TEX10: variants seen among roughly 807,000 people sequenced by gnomAD.
TEX10 encodes the protein testis expressed 10, also known as testis-expressed protein 10.
In TEX10, 24 loss-of-function variants were observed where a neutral mutation model predicts 104.4. The observed-to-expected ratio is 0.23, with a 90% CI of 0.17 to 0.32. The LOEUF is 0.32. TEX10 is among the 10% of genes least tolerant of loss of function. The pLI is 1.00. For missense variants in TEX10, 921 were observed against 1,083.9 expected (o/e 0.85, Z 2.11); for synonymous variants, 396 against 393.4 (o/e 1.01, Z -0.08).
At chr9:100,317,167 C>G (rs1834442596) in intron 11 of TEX10, among the ~76,000 whole-genome samples, 1 of 151,858 alleles carries the variant, frequency 6.6e-6, no homozygotes, top group African/African-American at 2.4e-5. Context: ...GGAACCAAAA[C>G]AAGAGCCTGA....
At position 100,329,177 on chromosome 9, in the gene TEX10, T is replaced by G. The variant is rs750494084; in HGVS notation, c.1588A>C (p.Ile530Leu). ...GATCTCAGTTCTTCTGTCTGATAGA[T>G]TTTACTGAAAAACTTCAATAACAAA... Reference protein sequence around the residue: ...RTLLLKFFSKIYQTEELRSCR... With the variant: ...RTLLLKFFSKLYQTEELRSCR... The change falls in exon 7 of 15, where the codon ATC (isoleucine) becomes CTC (leucine). Residue 530 changes from isoleucine to leucine, a missense_variant. Ile to Leu is a conservative substitution (Grantham distance 5, BLOSUM62 2). This residue lies in a region of TEX10 where 753 missense variants were observed against 868.4 expected (regional missense o/e 0.87). Coordinates refer to ENST00000374902, the MANE Select transcript of TEX10 (RefSeq NM_017746.4). 1 of 1,611,450 alleles carries G rather than the reference T, an allele frequency of 6.2e-7. No individual in the cohort carries two copies. Among genetic ancestry groups the G allele is most frequent in the South Asian group, 1.1e-5 (1 of 90,232 alleles).
At chr9:100,352,044 T>C (rs2118951757) in intron 1 of TEX10, among the ~76,000 whole-genome samples, 1 of 152,272 alleles carries the variant, frequency 6.6e-6, no homozygotes, top group African/African-American at 2.4e-5. Context: ...AAAAGGCAGA[T>C]CCTAGCGTTT....
chr9:100,319,572 A>C (rs530585584), intron 11 of TEX10, among the ~76,000 whole-genome samples: 1 of 152,284 alleles, frequency 6.6e-6, no homozygotes, highest in South Asian at 2.1e-4. Flanking sequence ...TGGGAGGCTG[A>C]GGCTGGTGGA....
intron 8 of TEX10, among the ~76,000 whole-genome samples, chr9:100,326,853 T>A (rs1834717917): frequency 6.6e-6 from 1 of 152,178 alleles, no homozygotes; most frequent in Non-Finnish European, 1.5e-5. Flanking sequence ...TGTGTGTATA[T>A]ATATATACCT....
At chr9:100,325,887 GA>G (rs369380328) in intron 9 of TEX10, among the ~76,000 whole-genome samples, 2 of 150,646 alleles carry the variant, frequency 1.3e-5, no homozygotes, top group South Asian at 2.1e-4. Context: ...ATACCACCAG[GA>G]AAAAAAAAGT....
chr9:100,327,825 A>G lies in TEX10; in HGVS notation c.1763T>C (p.Leu588Ser). The change falls in exon 8 of 15, where the codon TTA (leucine) becomes TCA (serine). Residue 588 changes from leucine to serine, a missense_variant. Leu to Ser is a moderately radical substitution (Grantham distance 145). Coordinates refer to ENST00000374902, the MANE Select transcript of TEX10 (RefSeq NM_017746.4). ...HTAAARANKE[L>S]LKSLQATALR... ...GGCAGTAGCTTGTAAACTTTTTAGT[A>G]ATTCTTTATTTGCTCGTGCTGCAGC... is the stretch of plus-strand genomic sequence containing the variant. The G allele has an allele frequency of 6.3e-7, 1 of 1,596,306 alleles. No individual in the cohort carries two copies. Among genetic ancestry groups the G allele is most frequent in the South Asian group, 1.1e-5 (1 of 87,974 alleles).
chr9:100,323,347 G>C (rs536861525), intron 9 of TEX10, among the ~76,000 whole-genome samples: 80 of 152,264 alleles, frequency 5.3e-4, no homozygotes, highest in African/African-American at 1.8e-3. Context: ...GTTCCTGGCA[G>C]ACCAGGTCAT....
rs182227056 is a variant in TEX10 at position 100,331,021 on chromosome 9, C to T, written c.1251-852G>A. 1.3e-4 allele frequency among the ~76,000 whole-genome samples: 20 copies of T among 151,896 alleles called. No individual in the cohort carries two copies. In the South Asian group the frequency reaches 2.3e-3, roughly 17 times the overall value. On this transcript the variant is annotated intron_variant, in intron 5 of 14. Coordinates refer to ENST00000374902, the MANE Select transcript of TEX10 (RefSeq NM_017746.4). ...CCGTAATCCCAGCACTTTGAGAAGC[C>T]GAGGCAGGTGGATCACCTGAGGTCA...
chr9:100,321,631 G>A, intron 10 of TEX10, 52 bp downstream of exon 10: 2 of 1,394,652 alleles, frequency 1.4e-6, no homozygotes, highest in Non-Finnish European at 2.0e-6. Flanking sequence ...AAGGAGAATT[G>A]TGATTCATAT....
At chr9:100,334,271 A>AT (rs1564214590) in intron 5 of TEX10, among the ~76,000 whole-genome samples, 6 of 152,124 alleles carry the variant, frequency 3.9e-5, no homozygotes. Context: ...GAAAAAAAAA[A>AT]CACAGATAAC....
intron 11 of TEX10, among the ~76,000 whole-genome samples, chr9:100,312,814 CG>C (rs1404531318): frequency 1.3e-5 from 2 of 152,058 alleles, no homozygotes; most frequent in African/African-American, 4.8e-5. Context: ...CTAAAATAAA[CG>C]TAAGATTTCA....
chr9:100,345,787 A>C (rs906742012), intron 4 of TEX10, among the ~76,000 whole-genome samples: 1 of 152,178 alleles, frequency 6.6e-6, no homozygotes, highest in Non-Finnish European at 1.5e-5. Flanking sequence ...AATCTGCCAT[A>C]AACAATACAC....
rs781562105 is a variant in TEX10, at chr9:100,347,158, G to A, written c.429C>T (p.Ala143=). The A allele has an allele frequency of 2.5e-6, 4 of 1,613,900 alleles. No individual in the cohort carries two copies. Among genetic ancestry groups the A allele is most frequent in the Non-Finnish European group, 8.5e-7 (1 of 1,179,976 alleles). ...TGTGAGTCATGGCACTAGAGAGATGGGCACTTACCAAAGGAAAAAATGGAG... is the reference window on the plus strand; with the variant it reads ...TGTGAGTCATGGCACTAGAGAGATGAGCACTTACCAAAGGAAAAAATGGAG... ...QISPFFPLVS[A]HLSSAMTHIT... Residue 143 remains alanine (A), a synonymous_variant, in exon 3 of 15, where the codon GCC becomes GCT. Transcript: ENST00000374902.
At chr9:100,342,989 T>A (rs1299400203) in intron 4 of TEX10, among the ~76,000 whole-genome samples, 1 of 150,906 alleles carries the variant, frequency 6.6e-6, no homozygotes, top group Non-Finnish European at 1.5e-5. Flanking sequence ...CTACTAAAAA[T>A]ACAAAAAAAA....
intron 5 of TEX10, among the ~76,000 whole-genome samples, chr9:100,333,414 C>T (rs558745466): frequency 1.3e-5 from 2 of 152,226 alleles, no homozygotes; most frequent in South Asian, 4.1e-4. Context: ...TCAACACAAT[C>T]CAAATCAAAT....
At chr9:100,318,441 A>G (rs1368582358) in intron 11 of TEX10, among the ~76,000 whole-genome samples, 1 of 152,204 alleles carries the variant, frequency 6.6e-6, no homozygotes, top group Non-Finnish European at 1.5e-5. Flanking sequence ...GTGTGAAATG[A>G]CATACAATAG....
intron 11 of TEX10, among the ~76,000 whole-genome samples, chr9:100,313,553 G>T (rs996651858): frequency 2.7e-5 from 4 of 150,000 alleles, no homozygotes; most frequent in African/African-American, 7.3e-5. Context: ...AAAAATTTAA[G>T]AAATAAAGAA....
Position 100,310,384 on chromosome 9 carries a change from C to T in TEX10, c.2203-5G>A. On this transcript the variant is annotated splice_polypyrimidine_tract_variant and splice_region_variant and intron_variant, in intron 11 of 14. Transcript: ENST00000374902. ...CAATAAACTGTGAAAAACTGCCTGT[C>T]AGAAAAGGAGAAAACCACTAACCAA... 1 of 1,612,500 alleles carries T rather than the reference C, an allele frequency of 6.2e-7. No individual in the cohort carries two copies. The highest frequency in any genetic ancestry group is 1.1e-5 in the South Asian group (1 of 90,684).
At position 100,345,939 on chromosome 9, in the gene TEX10, A is replaced by G. The variant is rs1835289676; in HGVS notation, c.1137+133T>C. 14 of 901,380 alleles carry G rather than the reference A, an allele frequency of 1.6e-5. No individual in the cohort carries two copies. In the South Asian group the frequency reaches 3.4e-4, roughly 22 times the overall value. The allele number at this position is 901,380 out of a possible 1,614,324, so 55.8% of individuals were successfully genotyped here. On this transcript the variant is annotated intron_variant, in intron 4 of 14. Coordinates refer to ENST00000374902, the MANE Select transcript of TEX10 (RefSeq NM_017746.4). ...TTTGTAGTTTTGTGCAAAACAAACA[A>G]GTTTACAGTTAAACCCAGGGTACTT...
Sources: allele counts gnomAD v4.1 joint callset (sites outside exome capture counted in the v4.1 genomes callset), GRCh38; gene constraint gnomAD v4.1.1; regional missense constraint gnomAD v4.1.1; transcripts MANE v1.5; gene names NCBI Gene and HGNC (gene_info 2026-07-23, HGNC 2026-07-21).